SPATA17: variants seen among roughly 807,000 people sequenced by gnomAD.
The protein encoded by SPATA17 is spermatogenesis associated 17.
SPATA17 carries 53 observed loss-of-function variants against 62.2 expected under a neutral mutation model. That is an observed-to-expected ratio of 0.85 (90% CI 0.68 to 1.07). The LOEUF is 1.07. Ranked by LOEUF, SPATA17 falls within the 50% of genes least tolerant of loss-of-function variation. The pLI is 0.00. For synonymous variants in SPATA17, 146 were observed against 146.8 expected (o/e 0.99, Z 0.04); for missense variants, 466 against 425.5 (o/e 1.10, Z -0.84).
intron 9 of SPATA17, among the ~76,000 whole-genome samples, chr1:217,831,223 C>G (rs1424884476): frequency 2.0e-5 from 3 of 152,040 alleles, no homozygotes; most frequent in Non-Finnish European, 4.4e-5. Context: ...TGTCATTTGT[C>G]CATTGTGTTA....
intron 6 of SPATA17, among the ~76,000 whole-genome samples, chr1:217,767,722 T>G (rs1673334327): frequency 6.6e-6 from 1 of 152,320 alleles, no homozygotes; most frequent in Non-Finnish European, 1.5e-5. Context: ...TCTCTCTGCT[T>G]ACATTGGCCA....
rs560118691 is a variant in SPATA17 at position 217,847,362 on chromosome 1, T to C, written c.1006-15412T>C. Among the ~76,000 whole-genome samples, 70 of 152,244 alleles carry C rather than the reference T, an allele frequency of 4.6e-4. No individual in the cohort carries two copies. The South Asian group carries it at 0.014, about 31-fold the overall frequency. ...AATTTACCTACACATGTCTTTTGTT[T>C]CAGATTCAGTGAAGTTCAAGGGCAT... On this transcript the variant is annotated intron_variant, in intron 9 of 10. Transcript: ENST00000366933.
At chr1:217,679,173 C>A (rs1397316801) in intron 4 of SPATA17, among the ~76,000 whole-genome samples, 1 of 151,842 alleles carries the variant, frequency 6.6e-6, no homozygotes, top group East Asian at 1.9e-4. Flanking sequence ...AAGAAAATAC[C>A]ATATTTTAAA....
At chr1:217,664,834 T>C (rs925787151) in intron 3 of SPATA17, among the ~76,000 whole-genome samples, 1 of 152,144 alleles carries the variant, frequency 6.6e-6, no homozygotes, top group Non-Finnish European at 1.5e-5. Context: ...TAGCTTCTTA[T>C]TCCAGTTGGT....
rs576249920 is a variant in SPATA17 at position 217,849,936 on chromosome 1, G to T, written c.1006-12838G>T. Among the ~76,000 whole-genome samples the T allele has an allele frequency of 3.9e-5, 6 of 152,256 alleles. No individual in the cohort carries two copies. The South Asian group carries it at 1.2e-3, about 32-fold the overall frequency. The stretch of plus-strand genomic sequence containing the variant: ...TGTCACTGGTGTCCCCCTCTGAACA[G>T]GTCACTGTTCTTCATTCCTTGTAAG... On this transcript the variant is annotated intron_variant, in intron 9 of 10. Transcript: ENST00000366933.
chr1:217,804,962 A>G (rs1674398011), intron 9 of SPATA17, among the ~76,000 whole-genome samples: 2 of 152,216 alleles, frequency 1.3e-5, no homozygotes, highest in African/African-American at 4.8e-5. Context: ...TACAGTCATT[A>G]TGGAAAATGG....
intron 1 of SPATA17, among the ~76,000 whole-genome samples, chr1:217,642,404 T>C (rs1670084877): frequency 6.6e-6 from 1 of 152,224 alleles, no homozygotes; most frequent in South Asian, 2.1e-4. Context: ...GCTAATATTG[T>C]CCCGGATTTG....
intron 5 of SPATA17, among the ~76,000 whole-genome samples, chr1:217,701,599 C>A (rs190960791): frequency 3.3e-5 from 5 of 151,924 alleles, no homozygotes; most frequent in Admixed American, 3.3e-4. Flanking sequence ...GTTGGACAGG[C>A]TGGTCTTGAA....
At chr1:217,768,365 T>A (rs1289872566) in intron 6 of SPATA17, among the ~76,000 whole-genome samples, 1 of 152,148 alleles carries the variant, frequency 6.6e-6, no homozygotes, top group Non-Finnish European at 1.5e-5. Flanking sequence ...AACAATAACC[T>A]CATGCTTAAA....
chr1:217,716,930 T>C (rs891540727), intron 5 of SPATA17, among the ~76,000 whole-genome samples: 1 of 152,172 alleles, frequency 6.6e-6, no homozygotes, highest in Non-Finnish European at 1.5e-5. Context: ...ACCTCAGAGA[T>C]GAAAAATAAA....
chr1:217,644,240 A>G (rs930766911), intron 1 of SPATA17, among the ~76,000 whole-genome samples: 1 of 152,230 alleles, frequency 6.6e-6, no homozygotes, highest in African/African-American at 2.4e-5. Context: ...TATAAAACAT[A>G]GGTTCTAGTT....
Position 217,817,206 on chromosome 1 carries a change from G to A in SPATA17, c.1005+15356G>A, listed in dbSNP as rs542796259. Reference sequence around the variant, plus strand: ...TTCTTGTGAACAAATCTTCCAGGTGGTGATATGGTTTGGCTATGTCTCCGC... The same window carrying A: ...TTCTTGTGAACAAATCTTCCAGGTGATGATATGGTTTGGCTATGTCTCCGC... On this transcript the variant is annotated intron_variant, in intron 9 of 10. Coordinates refer to ENST00000366933, the MANE Select transcript of SPATA17 (RefSeq NM_138796.4). Among the ~76,000 whole-genome samples, 5 of 152,112 alleles carry A rather than the reference G, an allele frequency of 3.3e-5. No homozygotes were observed. In the East Asian group the frequency reaches 9.7e-4, roughly 29 times the overall value.
At chr1:217,705,665 T>C (rs1243904737) in intron 5 of SPATA17, among the ~76,000 whole-genome samples, 5 of 151,990 alleles carry the variant, frequency 3.3e-5, no homozygotes, top group Non-Finnish European at 7.4e-5. Context: ...GGCCTTGATT[T>C]CTTGACCTTG....
chr1:217,783,195 T>C (rs886611917), intron 8 of SPATA17, among the ~76,000 whole-genome samples: 6 of 151,208 alleles, frequency 4.0e-5, no homozygotes, highest in African/African-American at 1.5e-4. Flanking sequence ...AATTATAAAA[T>C]ATTTTAAAAG....
chr1:217,809,679 G>T (rs958138304), intron 9 of SPATA17, among the ~76,000 whole-genome samples: 2 of 152,110 alleles, frequency 1.3e-5, no homozygotes, highest in African/African-American at 4.8e-5. Context: ...AGCAATTTAC[G>T]AGGTATCTGT....
intron 8 of SPATA17, among the ~76,000 whole-genome samples, chr1:217,798,036 C>T (rs1674199732): frequency 6.6e-6 from 1 of 152,156 alleles, no homozygotes; most frequent in Non-Finnish European, 1.5e-5. Flanking sequence ...CATAGACTAA[C>T]ATCTTTATTA....
At chr1:217,713,704 T>G (rs1158532023) in intron 5 of SPATA17, among the ~76,000 whole-genome samples, 2 of 152,210 alleles carry the variant, frequency 1.3e-5, no homozygotes, top group African/African-American at 4.8e-5. Context: ...GCATTCTCTG[T>G]GTGTATGTGT....
At chr1:217,805,039 C>T (rs1386214612) in intron 9 of SPATA17, among the ~76,000 whole-genome samples, 1 of 152,070 alleles carries the variant, frequency 6.6e-6, no homozygotes, top group Non-Finnish European at 1.5e-5. Context: ...GGGTATAGAT[C>T]AAAGGAAGTG....
chr1:217,660,358 A>G (rs1220778062), intron 3 of SPATA17, among the ~76,000 whole-genome samples: 2 of 152,200 alleles, frequency 1.3e-5, no homozygotes, highest in African/African-American at 2.4e-5. Flanking sequence ...GAGTCTAATT[A>G]TATCTCAAAA....
Sources: gnomAD v4.1 joint callset for allele counts (sites outside exome capture counted in the v4.1 genomes callset) on GRCh38, gnomAD v4.1.1 for gene constraint, MANE v1.5 for transcripts, NCBI Gene and HGNC (gene_info 2026-07-23, HGNC 2026-07-21) for gene names.